ITGA2: variants seen among roughly 807,000 people sequenced by gnomAD.
ITGA2 encodes integrin subunit alpha 2.
In ITGA2, 101 loss-of-function variants were observed where a neutral mutation model predicts 146.3. The observed-to-expected ratio is 0.69, with a 90% confidence interval of 0.59 to 0.81. The LOEUF is 0.81. ITGA2 is among the 40% of genes least tolerant of loss of function. The pLI is 0.00. For missense variants in ITGA2, 1,281 were observed against 1,402.7 expected (o/e 0.91, Z 1.39); for synonymous variants, 477 against 487.1 (o/e 0.98, Z 0.27).
chr5:53,042,118 G>C lies in ITGA2; in HGVS notation c.192G>C (p.Leu64=), dbSNP rs745339648. 1.1e-5 allele frequency: 18 copies of C among 1,605,980 alleles called. No individual in the cohort carries two copies. In the Middle Eastern group the frequency reaches 6.6e-4, roughly 59 times the overall value. The change falls in exon 3 of 30, where the codon CTG becomes CTC. Residue 64 remains leucine (L), a synonymous_variant. Coordinates refer to ENST00000296585, the MANE Select transcript of ITGA2 (RefSeq NM_002203.4). The part of the protein sequence containing the change: ...QFINPKGNWL[L]VGSPWSGFPE... ...AAAAAAAATGTGTTTCTAGGTTACT[G>C]GTTGGTTCACCCTGGAGTGGCTTTC... is the stretch of plus-strand genomic sequence containing the variant.
At chr5:53,071,451 A>T (rs1461299970) in intron 17 of ITGA2, among the ~76,000 whole-genome samples, 1 of 151,838 alleles carries the variant, frequency 6.6e-6, no homozygotes, top group Non-Finnish European at 1.5e-5. Flanking sequence ...CAGCCAGCCA[A>T]GGAAACATCT....
rs1173914440 is a variant in ITGA2, at chr5:53,092,144, C to G, written c.*1545C>G. 6.6e-6 allele frequency: 1 copy of G among 152,202 alleles called. No homozygotes were observed. Among genetic ancestry groups the G allele is most frequent in the African/African-American group, 2.4e-5 (1 of 41,440 alleles). 9.4% of individuals were successfully genotyped at this position (152,202 alleles called of 1,614,324 possible). A position where few individuals can be genotyped will look rare whatever the true frequency, so the allele number is the denominator to read the frequency against. On this transcript the variant is annotated 3_prime_UTR_variant, in exon 30 of 30. Coordinates refer to ENST00000296585, the MANE Select transcript of ITGA2 (RefSeq NM_002203.4). The stretch of plus-strand genomic sequence containing the variant: ...CACCTTATTTTCTCTGTTCCTGAGC[C>G]CCCACATTCTCTAGGAGAAACTTAG...
rs1579827417 is a variant in ITGA2 at position 53,033,776 on chromosome 5, T to A, written c.185+6908T>A. 3.3e-5 allele frequency among the ~76,000 whole-genome samples: 5 copies of A among 151,654 alleles called. 1 individual carries two copies. In the South Asian group the frequency reaches 1.0e-3, roughly 32 times the overall value. On this transcript the variant is annotated intron_variant, in intron 2 of 29. Transcript: ENST00000296585. Reference sequence around the variant, plus strand: ...CCATACTAGGCTAATTTTTTTTTTTTTTTTTGAGACGGAGTCTCACTCTTT... The same window carrying A: ...CCATACTAGGCTAATTTTTTTTTTTATTTTTGAGACGGAGTCTCACTCTTT...
intron 25 of ITGA2, among the ~76,000 whole-genome samples, chr5:53,081,100 A>T (rs2112025184): frequency 6.6e-6 from 1 of 152,268 alleles, no homozygotes; most frequent in Non-Finnish European, 1.5e-5. Context: ...TAGGGGTAAG[A>T]TTCTTACACC....
intron 1 of ITGA2, among the ~76,000 whole-genome samples, chr5:53,019,567 C>T (rs1742565404): frequency 6.6e-6 from 1 of 152,138 alleles, no homozygotes; most frequent in African/African-American, 2.4e-5. Context: ...GCTCTGTGGT[C>T]CAGGCTGCAG....
chr5:52,996,651 T>C (rs937611177), intron 1 of ITGA2, among the ~76,000 whole-genome samples: 2 of 152,234 alleles, frequency 1.3e-5, no homozygotes, highest in Admixed American at 1.3e-4. Flanking sequence ...CAAACATCTT[T>C]TCACACTAAT....
chr5:53,012,949 T>C (rs1352074793), intron 1 of ITGA2, among the ~76,000 whole-genome samples: 1 of 152,128 alleles, frequency 6.6e-6, no homozygotes, highest in African/African-American at 2.4e-5. Context: ...TGGGGTTGTT[T>C]GGTTTTTTGC....
rs942358456 is a variant in ITGA2, at chr5:53,080,415, C to T, written c.2929-96C>T. On this transcript the variant is annotated intron_variant, in intron 24 of 29. Coordinates refer to ENST00000296585, the MANE Select transcript of ITGA2 (RefSeq NM_002203.4). Reference sequence around the variant, plus strand: ...TTTCATTTGGACTCAGTCTTACCACCTCGTAGTTGCCCTTCATCAACACGG... The same window carrying T: ...TTTCATTTGGACTCAGTCTTACCACTTCGTAGTTGCCCTTCATCAACACGG... 6 of 904,806 alleles carry T rather than the reference C, an allele frequency of 6.6e-6. No homozygotes were observed. In the African/African-American group the frequency reaches 9.8e-5, roughly 15 times the overall value. 56.0% of individuals were successfully genotyped at this position (904,806 alleles called of 1,614,324 possible).
chr5:53,056,524 T>C (rs1744642683), intron 9 of ITGA2, among the ~76,000 whole-genome samples: 2 of 152,018 alleles, frequency 1.3e-5, no homozygotes, highest in African/African-American at 2.4e-5. Flanking sequence ...TAAATTGTTA[T>C]GACTTTTGGG....
At chr5:53,004,063 A>G (rs760736777) in intron 1 of ITGA2, among the ~76,000 whole-genome samples, 4 of 152,084 alleles carry the variant, frequency 2.6e-5, no homozygotes, top group Non-Finnish European at 5.9e-5. Context: ...ATTGTAGGAT[A>G]TTGATCATCA....
At chr5:53,041,111 C>T (rs1743775849) in intron 2 of ITGA2, among the ~76,000 whole-genome samples, 1 of 139,522 alleles carries the variant, frequency 7.2e-6, no homozygotes, top group Non-Finnish European at 1.7e-5. Context: ...TTAACCCTTC[C>T]CAATACTGAC....
At chr5:53,030,544 C>A (rs1009638402) in intron 2 of ITGA2, among the ~76,000 whole-genome samples, 1 of 152,196 alleles carries the variant, frequency 6.6e-6, no homozygotes, top group African/African-American at 2.4e-5. Context: ...ATATGGAATT[C>A]AGAAGCAGGA....
chr5:53,011,243 C>T (rs191883648), intron 1 of ITGA2, among the ~76,000 whole-genome samples: 1 of 152,244 alleles, frequency 6.6e-6, no homozygotes, highest in African/African-American at 2.4e-5. Context: ...ACTGTCTTTC[C>T]CAGCTGACTA....
chr5:53,038,476 C>T (rs1048577557), intron 2 of ITGA2, among the ~76,000 whole-genome samples: 7 of 152,152 alleles, frequency 4.6e-5, no homozygotes, highest in African/African-American at 1.7e-4. Context: ...CCTCCCAGGA[C>T]AGCTGTGCTT....
chr5:53,085,878 T>C (rs1415013974), intron 27 of ITGA2, among the ~76,000 whole-genome samples: 2 of 152,172 alleles, frequency 1.3e-5, no homozygotes, highest in African/African-American at 2.4e-5. Flanking sequence ...TAGTGAAATA[T>C]ACACATCAAT....
chr5:53,078,847 T>C lies in ITGA2; in HGVS notation c.2901T>C (p.Val967=), dbSNP rs140370819. The change falls in exon 24 of 30, where the codon GTT becomes GTC. Residue 967 remains valine, a synonymous_variant. Coordinates refer to ENST00000296585, the MANE Select transcript of ITGA2 (RefSeq NM_002203.4). Reference sequence around the variant, plus strand: ...CAATCGTGCACAGTTTTGAAGATGTTGGTCCAAAATTCATCTTCTCCCTGA... The same window carrying C: ...CAATCGTGCACAGTTTTGAAGATGTCGGTCCAAAATTCATCTTCTCCCTGA... The part of the protein sequence containing the change: ...VPSIVHSFED[V]GPKFIFSLKV... The C allele has an allele frequency of 1.9e-6, 3 of 1,608,768 alleles. No individual in the cohort carries two copies. The African/African-American group carries it at 4.0e-5, about 22-fold the overall frequency.
At chr5:53,054,072 C>T (rs1013078579) in intron 7 of ITGA2, among the ~76,000 whole-genome samples, 3 of 151,980 alleles carry the variant, frequency 2.0e-5, no homozygotes, top group Non-Finnish European at 4.4e-5. Context: ...TTTCTATAGT[C>T]TACATTATAG....
Position 53,075,277 on chromosome 5 carries a change from T to A in ITGA2, c.2798T>A (p.Leu933Gln). 4 of 1,612,700 alleles carry A rather than the reference T, an allele frequency of 2.5e-6. No individual in the cohort carries two copies. Among genetic ancestry groups the A allele is most frequent in the Non-Finnish European group, 3.4e-6 (4 of 1,179,274 alleles). Residue 933 changes from leucine (L) to glutamine (Q), a missense_variant, in exon 23 of 30, where the codon CTG (leucine) becomes CAG (glutamine). Around this residue, in one of 3 missense-constraint regions of ITGA2, gnomAD observed 475 missense variants for 530.5 expected, o/e 0.90. Coordinates refer to ENST00000296585, the MANE Select transcript of ITGA2 (RefSeq NM_002203.4). ...TTGGTCAACCTCAAAATTCCTCTCC[T>A]GTATGATGCTGAAATTCACTTAACA... ...DNLVNLKIPL[L>Q]YDAEIHLTRS...
intron 1 of ITGA2, among the ~76,000 whole-genome samples, chr5:53,011,412 A>AG (rs1742118252): frequency 1.3e-5 from 2 of 152,144 alleles, no homozygotes; most frequent in African/African-American, 4.8e-5. Context: ...AACAGACTAA[A>AG]GTACTGTTAG....
Sources: gnomAD v4.1 joint callset for allele counts (sites outside exome capture counted in the v4.1 genomes callset) on GRCh38, gnomAD v4.1.1 for gene constraint, gnomAD v4.1.1 regional missense constraint, MANE v1.5 for transcripts, NCBI Gene and HGNC (gene_info 2026-07-23, HGNC 2026-07-21) for gene names.